KATNAL1: variants seen among roughly 807,000 people sequenced by gnomAD.
KATNAL1 encodes the protein katanin p60 ATPase-containing subunit A-like 1.
Under a neutral mutation model 55.2 loss-of-function variants are expected in KATNAL1, and 32 were observed. That is an observed-to-expected ratio of 0.58 (90% CI 0.44 to 0.78). KATNAL1 has a LOEUF of 0.78. Among genes scored for constraint, KATNAL1 ranks in the 30% least tolerant of loss-of-function variants. The pLI, the probability that KATNAL1 is intolerant of heterozygous loss-of-function variation, is 0.00. For missense variants in KATNAL1, 466 were observed against 600.9 expected (o/e 0.78, Z 2.35); for synonymous variants, 193 against 193.6 (o/e 1.00, Z 0.02).
At chr13:30,289,899 G>C (rs909430165) in intron 1 of KATNAL1, among the ~76,000 whole-genome samples, 6 of 152,200 alleles carry the variant, frequency 3.9e-5, no homozygotes, top group Non-Finnish European at 1.5e-5. Flanking sequence ...AGCAGCCAGA[G>C]ACAATTTGTA....
intron 8 of KATNAL1, among the ~76,000 whole-genome samples, chr13:30,228,014 TGAAA>T (rs1243800186): frequency 6.6e-6 from 1 of 152,168 alleles, no homozygotes; most frequent in African/African-American, 2.4e-5. Context: ...ATTATAATTT[TGAAA>T]GACAGGTTAT....
intron 9 of KATNAL1, among the ~76,000 whole-genome samples, chr13:30,212,163 CAA>C (rs71093029): frequency 6.6e-6 from 1 of 151,506 alleles, no homozygotes; most frequent in Non-Finnish European, 1.5e-5. Context: ...GACATATATT[CAA>C]AAAAAATCAA....
intron 6 of KATNAL1, among the ~76,000 whole-genome samples, chr13:30,238,051 G>A (rs939346907): frequency 6.6e-6 from 1 of 151,958 alleles, no homozygotes; most frequent in Non-Finnish European, 1.5e-5. Flanking sequence ...CGTGCTCTTT[G>A]CCTCCCGTCT....
chr13:30,279,314 T>C (rs921250369), intron 3 of KATNAL1, among the ~76,000 whole-genome samples: 1 of 152,218 alleles, frequency 6.6e-6, no homozygotes, highest in African/African-American at 2.4e-5. Flanking sequence ...CCATGGTCCT[T>C]GTCCTTGCAA....
At chr13:30,251,267 T>C (rs1284303095) in intron 4 of KATNAL1, among the ~76,000 whole-genome samples, 1 of 152,216 alleles carries the variant, frequency 6.6e-6, no homozygotes, top group African/African-American at 2.4e-5. Context: ...AAAAATCCTT[T>C]CGTTACTTCT....
chr13:30,245,098 C>G (rs193106472), intron 4 of KATNAL1, among the ~76,000 whole-genome samples: 1 of 151,268 alleles, frequency 6.6e-6, no homozygotes, highest in African/African-American at 2.4e-5. Flanking sequence ...AGAGTCACAA[C>G]AAAAAAAGAT....
chr13:30,281,550 T>C (rs946104482), intron 2 of KATNAL1, among the ~76,000 whole-genome samples: 2 of 152,220 alleles, frequency 1.3e-5, no homozygotes, highest in East Asian at 1.9e-4. Flanking sequence ...TTGGAGCAAG[T>C]ATATTGTTCT....
In KATNAL1 at chr13:30,238,026, C is replaced by A. The variant is rs147831351; in HGVS notation, c.726+2434G>T. ...TTTGAATTTTAAGCCTAAACTACTG[C>A]CAATCACTTCTGAACGTGCTCTTTG... On this transcript the variant is annotated intron_variant, in intron 6 of 10. Transcript: ENST00000380615. Among the ~76,000 whole-genome samples the A allele has an allele frequency of 3.1e-3, 472 of 152,294 alleles. 2 individuals are homozygous for A. Among genetic ancestry groups the A allele is most frequent in the African/African-American group, 0.011 (450 of 41,564 alleles).
At chr13:30,299,848 T>C (rs1433635983) in intron 1 of KATNAL1, among the ~76,000 whole-genome samples, 1 of 152,166 alleles carries the variant, frequency 6.6e-6, no homozygotes, top group African/African-American at 2.4e-5. Context: ...GAAGGAATAC[T>C]GCTTTATCTG....
At chr13:30,255,349 G>A (rs1218082021) in intron 4 of KATNAL1, 98 bp downstream of exon 4, 9 of 1,003,646 alleles carry the variant, frequency 9.0e-6, no homozygotes, top group East Asian at 5.7e-5. Flanking sequence ...ACTCTTCCAC[G>A]TCAAAACCAG....
intron 9 of KATNAL1, among the ~76,000 whole-genome samples, chr13:30,219,243 T>A (rs1459344987): frequency 6.6e-6 from 1 of 152,236 alleles, no homozygotes; most frequent in Non-Finnish European, 1.5e-5. Flanking sequence ...ATCTCTCATC[T>A]TCTTAAATTT....
chr13:30,266,361 GCCA>G (rs1879784220), intron 3 of KATNAL1, among the ~76,000 whole-genome samples: 1 of 151,954 alleles, frequency 6.6e-6, no homozygotes, highest in Non-Finnish European at 1.5e-5. Flanking sequence ...TTAATAAAAT[GCCA>G]CCACAATTTT....
chr13:30,302,063 T>C (rs1478373963), intron 1 of KATNAL1, among the ~76,000 whole-genome samples: 1 of 152,174 alleles, frequency 6.6e-6, no homozygotes, highest in Non-Finnish European at 1.5e-5. Flanking sequence ...GCAGAGATGA[T>C]GTCTCGCCAT....
chr13:30,230,049 C>G (rs2137394145), intron 8 of KATNAL1, among the ~76,000 whole-genome samples: 1 of 150,494 alleles, frequency 6.6e-6, no homozygotes, highest in Non-Finnish European at 1.5e-5. Flanking sequence ...TTATGATACC[C>G]TACGTCTTAC....
chr13:30,235,107 G>A (rs1000588388), intron 6 of KATNAL1, among the ~76,000 whole-genome samples: 35 of 152,272 alleles, frequency 2.3e-4, no homozygotes, highest in African/African-American at 7.9e-4. Context: ...AATTGATCAC[G>A]TGAGCTTCCT....
chr13:30,263,905 C>A lies in KATNAL1; in HGVS notation c.324-8290G>T, dbSNP rs530585815. On this transcript the variant is annotated intron_variant, in intron 3 of 10. Coordinates refer to ENST00000380615, the MANE Select transcript of KATNAL1 (RefSeq NM_032116.5). ...AAGTTCATATGGAACCAAAAAAGAGCCCACATCGCAAAGTCAATCCTAAGC... is the reference window on the plus strand; with the variant it reads ...AAGTTCATATGGAACCAAAAAAGAGACCACATCGCAAAGTCAATCCTAAGC... Among the ~76,000 whole-genome samples the A allele has an allele frequency of 5.3e-5, 8 of 150,036 alleles. No individual in the cohort carries two copies. In the East Asian group the frequency reaches 1.6e-3, roughly 29 times the overall value.
In KATNAL1 at chr13:30,241,097, G is replaced by A. The variant is rs762875560; in HGVS notation, c.493-11C>T. ...CATATTCTTCCTTCCCTGGGGATAG[G>A]TATAAAAAAAAAGTACTAGTCAGTA... On this transcript the variant is annotated splice_polypyrimidine_tract_variant and intron_variant, in intron 4 of 10. Transcript: ENST00000380615. 5.0e-6 allele frequency: 8 copies of A among 1,605,556 alleles called. No homozygotes were observed. Among genetic ancestry groups the A allele is most frequent in the Admixed American group, 1.7e-5 (1 of 58,538 alleles).
intron 9 of KATNAL1, among the ~76,000 whole-genome samples, chr13:30,225,801 T>TA (rs1875410847): frequency 6.6e-6 from 1 of 151,676 alleles, no homozygotes; most frequent in South Asian, 2.1e-4. Flanking sequence ...TACTATTCAT[T>TA]AAAAAAAATT....
intron 1 of KATNAL1, among the ~76,000 whole-genome samples, chr13:30,298,453 GACATATCATTTACCC>G (rs1460237406): frequency 6.6e-6 from 1 of 152,008 alleles, no homozygotes; most frequent in African/African-American, 2.4e-5. Flanking sequence ...AAAAGTACAG[GACATATCATTTACCC>G]AGGCTTTACT....
Sources: allele counts gnomAD v4.1 joint callset (sites outside exome capture counted in the v4.1 genomes callset), GRCh38; gene constraint gnomAD v4.1.1; transcripts MANE v1.5; gene names NCBI Gene and HGNC (gene_info 2026-07-23, HGNC 2026-07-21).